CNIH3: variants seen among roughly 807,000 people sequenced by gnomAD.
CNIH3 encodes cornichon family AMPA receptor auxiliary protein 3, also known as protein cornichon homolog 3.
CNIH3 carries 14 observed loss-of-function variants against 24.1 expected under a neutral mutation model. That is an observed-to-expected ratio of 0.58 (90% confidence interval 0.38 to 0.91). CNIH3 has a LOEUF of 0.91. Among genes scored for constraint, CNIH3 ranks in the 40% least tolerant of loss-of-function variants. The pLI is 0.00. For missense variants in CNIH3, 178 were observed against 196.8 expected, an observed-to-expected ratio of 0.90 and a Z score of 0.57; for synonymous variants, 68 against 73.8, an observed-to-expected ratio of 0.92 and a Z score of 0.40.
chr1:224,464,037 C>T (rs1385088179), intron 1 of CNIH3, among the ~76,000 whole-genome samples: 1 of 151,754 alleles, frequency 6.6e-6, no homozygotes, highest in Admixed American at 6.6e-5. Context: ...GATCCGCCCA[C>T]CTCAGCCTCC....
chr1:224,466,725 G>A (rs1014325393), intron 1 of CNIH3, among the ~76,000 whole-genome samples: 1 of 152,216 alleles, frequency 6.6e-6, no homozygotes, highest in Non-Finnish European at 1.5e-5. Flanking sequence ...TGCCAGCCAT[G>A]TAAGAGTGAT....
chr1:224,525,444 T>C (rs1388214250), intron 2 of CNIH3, among the ~76,000 whole-genome samples: 2 of 152,164 alleles, frequency 1.3e-5, no homozygotes, highest in East Asian at 1.9e-4. Context: ...GCATAGCTTG[T>C]TTTTCCCTCC....
chr1:224,460,912 C>T (rs1339739838), intron 1 of CNIH3, among the ~76,000 whole-genome samples: 3 of 151,296 alleles, frequency 2.0e-5, no homozygotes, highest in Non-Finnish European at 4.4e-5. Context: ...TGTGAGTAGC[C>T]GGGATTATAG....
chr1:224,730,252 G>A (rs1689251486), intron 3 of CNIH3: 1 of 531,440 alleles, frequency 1.9e-6, no homozygotes, highest in Non-Finnish European at 3.4e-6. Flanking sequence ...TGTCATTTGG[G>A]TTTGGGTATA....
chr1:224,526,936 G>A (rs997596246), intron 2 of CNIH3, among the ~76,000 whole-genome samples: 1 of 152,182 alleles, frequency 6.6e-6, no homozygotes, highest in Non-Finnish European at 1.5e-5. Context: ...CAGGTCTCAT[G>A]AGAACTCACT....
intron 1 of CNIH3, among the ~76,000 whole-genome samples, chr1:224,454,107 A>C (rs1014675248): frequency 2.0e-5 from 3 of 152,240 alleles, no homozygotes; most frequent in African/African-American, 7.2e-5. Flanking sequence ...AACTGCTTGA[A>C]GAAAACGCAC....
At chr1:224,480,870 A>T (rs1007598035) in intron 1 of CNIH3, among the ~76,000 whole-genome samples, 4 of 151,864 alleles carry the variant, frequency 2.6e-5, no homozygotes, top group African/African-American at 9.7e-5. Context: ...AACTGTTCCA[A>T]CCTCTGCCTG....
intron 1 of CNIH3, among the ~76,000 whole-genome samples, chr1:224,497,245 A>G (rs558631282): frequency 6.6e-6 from 1 of 152,346 alleles, no homozygotes; most frequent in South Asian, 2.1e-4. Flanking sequence ...GACTGCTAAT[A>G]GGTACAAGAT....
At chr1:224,584,319 C>T (rs1280066437) in intron 5 of CNIH3, among the ~76,000 whole-genome samples, 1 of 152,150 alleles carries the variant, frequency 6.6e-6, no homozygotes, top group Non-Finnish European at 1.5e-5. Context: ...TCTAATTTGT[C>T]CTTGAACATC....
chr1:224,660,775 T>C (rs368990133), intron 1 of CNIH3, among the ~76,000 whole-genome samples: 1 of 152,216 alleles, frequency 6.6e-6, no homozygotes, highest in African/African-American at 2.4e-5. Flanking sequence ...ATTGTTTCTA[T>C]AGAAGGCTTA....
intron 1 of CNIH3, among the ~76,000 whole-genome samples, chr1:224,635,634 C>G (rs1241520120): frequency 6.6e-6 from 1 of 152,232 alleles, no homozygotes; most frequent in East Asian, 1.9e-4. Flanking sequence ...AGTCAGCCCA[C>G]AGCATGCAAA....
chr1:224,739,295 CTTTTT>C (rs11342205), intron 5 of CNIH3, 29 bp from the exon 6 acceptor site: 13,817 of 1,308,604 alleles, frequency 0.011, no homozygotes, highest in East Asian at 0.026. Flanking sequence ...ACCTTCCTCT[CTTTTT>C]TTTTTTTTTT....
intron 1 of CNIH3, among the ~76,000 whole-genome samples, chr1:224,672,298 G>T (rs1254962026): frequency 1.3e-5 from 2 of 152,192 alleles, no homozygotes; most frequent in African/African-American, 2.4e-5. Context: ...CATCTTTCAT[G>T]CTAACATTTT....
chr1:224,661,539 A>G (rs1363300826), intron 1 of CNIH3: 1 of 346,706 alleles, frequency 2.9e-6, no homozygotes, highest in African/African-American at 2.2e-5. Flanking sequence ...CCTCAAATAG[A>G]TTTTCAAAGT....
chr1:224,729,982 C>T (rs895332376), intron 3 of CNIH3, among the ~76,000 whole-genome samples: 5 of 152,174 alleles, frequency 3.3e-5, no homozygotes, highest in African/African-American at 1.2e-4. Flanking sequence ...TCCTGACCCT[C>T]CTATATTTGT....
At chr1:224,543,060 G>A (rs1415798051) in intron 2 of CNIH3, among the ~76,000 whole-genome samples, 1 of 152,212 alleles carries the variant, frequency 6.6e-6, no homozygotes, top group Non-Finnish European at 1.5e-5. Flanking sequence ...GAGATTAGAA[G>A]GTTGGAGCTT....
intron 2 of CNIH3, among the ~76,000 whole-genome samples, chr1:224,533,256 AAT>A (rs1311463794): frequency 6.0e-5 from 9 of 150,608 alleles, no homozygotes; most frequent in African/African-American, 1.5e-4. Flanking sequence ...AAAAAAAAAA[AAT>A]AAAATAAAAT....
At chr1:224,629,837 A>G (rs1164779737) in intron 1 of CNIH3, among the ~76,000 whole-genome samples, 1 of 152,138 alleles carries the variant, frequency 6.6e-6, no homozygotes, top group African/African-American at 2.4e-5. Context: ...GAGCAACAGC[A>G]GGACCCACTT....
chr1:224,672,245 T>C (rs1430101155), intron 1 of CNIH3, among the ~76,000 whole-genome samples: 3 of 152,162 alleles, frequency 2.0e-5, no homozygotes, highest in Non-Finnish European at 4.4e-5. Context: ...AAAAGCCTGC[T>C]TCCCTGGGGA....
Sources: gnomAD v4.1 joint callset for allele counts (sites outside exome capture counted in the v4.1 genomes callset) on GRCh38, gnomAD v4.1.1 for gene constraint, MANE v1.5 for transcripts, NCBI Gene and HGNC (gene_info 2026-07-23, HGNC 2026-07-21) for gene names.